Variants in PTCHD4 observed in about 807,000 individuals in gnomAD.
PTCHD4 encodes patched domain containing 4, also known as patched domain-containing protein 4.
PTCHD4 carries 33 observed loss-of-function variants against 58.1 expected under a neutral mutation model. The ratio of observed to expected loss-of-function variants is 0.57; its 90% CI spans 0.43 to 0.76. The LOEUF (loss-of-function observed/expected upper bound fraction) is 0.76, where lower values mean the gene tolerates loss of function less well. Ranked by LOEUF, PTCHD4 falls within the 30% of genes least tolerant of loss-of-function variation. The probability of loss-of-function intolerance (pLI) is 0.00; values close to 1 mark genes in which losing one functional copy is unlikely to be tolerated. For synonymous variants in PTCHD4, 478 were observed against 409.6 expected, an observed-to-expected ratio of 1.17 and a Z score of -2.02; for missense variants, 1,058 against 1,027.1, an observed-to-expected ratio of 1.03 and a Z score of -0.41.
intron 4 of PTCHD4, among the ~76,000 whole-genome samples, chr6:47,992,712 C>T (rs558985718): frequency 6.6e-6 from 1 of 152,156 alleles, no homozygotes; most frequent in South Asian, 2.1e-4. Context: ...CTTTTTATTA[C>T]TAATAGTATC....
intron 4 of PTCHD4, among the ~76,000 whole-genome samples, chr6:47,961,996 A>G (rs1428833205): frequency 6.6e-6 from 1 of 152,160 alleles, no homozygotes; most frequent in Non-Finnish European, 1.5e-5. Flanking sequence ...TTGAGAAGAC[A>G]GAAAAAAATT....
intron 3 of PTCHD4, among the ~76,000 whole-genome samples, chr6:48,027,032 A>G (rs1763271540): frequency 6.6e-6 from 1 of 151,996 alleles, no homozygotes; most frequent in Admixed American, 6.6e-5. Context: ...CTACTGAGTC[A>G]TGGCTAAAAT....
At chr6:48,053,022 T>C (rs1191284633) in intron 3 of PTCHD4, among the ~76,000 whole-genome samples, 1 of 152,138 alleles carries the variant, frequency 6.6e-6, no homozygotes, top group Non-Finnish European at 1.5e-5. Context: ...CATTGCACTT[T>C]AATGAACATG....
At chr6:47,985,199 A>G (rs1427144034) in intron 4 of PTCHD4, among the ~76,000 whole-genome samples, 1 of 152,128 alleles carries the variant, frequency 6.6e-6, no homozygotes, top group Non-Finnish European at 1.5e-5. Context: ...TACTCTTTTA[A>G]GCTGACATAG....
intron 1 of PTCHD4, among the ~76,000 whole-genome samples, chr6:48,098,459 C>T (rs537160677): frequency 2.6e-5 from 4 of 151,966 alleles, no homozygotes; most frequent in African/African-American, 9.7e-5. Context: ...CCACCTCAGC[C>T]TCCTGAGTAG....
chr6:48,108,007 T>C (rs1206032409), intron 1 of PTCHD4, among the ~76,000 whole-genome samples: 2 of 152,168 alleles, frequency 1.3e-5, no homozygotes, highest in African/African-American at 4.8e-5. Context: ...TTGGTGGGAC[T>C]GTAAACTAGT....
At chr6:48,046,154 C>G (rs1381438302) in intron 3 of PTCHD4, among the ~76,000 whole-genome samples, 1 of 151,856 alleles carries the variant, frequency 6.6e-6, no homozygotes, top group East Asian at 1.9e-4. Context: ...AACTTGCTAT[C>G]TCTGAACGAG....
rs187118976 is a variant in PTCHD4, at chr6:48,025,997, T to C, written c.418-16883A>G. Among the ~76,000 whole-genome samples the C allele has an allele frequency of 7.4e-4, 112 of 152,280 alleles. 1 individual carries two copies. The East Asian group carries it at 0.018, about 24-fold the overall frequency. On this transcript the variant is annotated intron_variant, in intron 3 of 4. Transcript: ENST00000339488. The stretch of plus-strand genomic sequence containing the variant: ...CAATTTGAACATGACCTCACAGCTA[T>C]TGCTCATCCAGAACAGACAATAAGT...
chr6:48,008,190 T>G (rs977383487), intron 4 of PTCHD4, among the ~76,000 whole-genome samples: 15 of 152,190 alleles, frequency 9.9e-5, no homozygotes, highest in African/African-American at 3.6e-4. Flanking sequence ...CAAAGCTTAC[T>G]TAAGAAGTTC....
intron 4 of PTCHD4, among the ~76,000 whole-genome samples, chr6:47,979,558 A>G (rs1321891042): frequency 1.3e-5 from 2 of 152,064 alleles, no homozygotes; most frequent in East Asian, 3.9e-4. Flanking sequence ...GTTTTAAATT[A>G]TTTATAATAA....
At chr6:48,019,037 G>A (rs899177258) in intron 3 of PTCHD4, among the ~76,000 whole-genome samples, 1 of 152,210 alleles carries the variant, frequency 6.6e-6, no homozygotes, top group Non-Finnish European at 1.5e-5. Flanking sequence ...GACTGGAAAA[G>A]TAGATCACAC....
At chr6:48,087,345 C>T (rs1327127277) in intron 1 of PTCHD4, among the ~76,000 whole-genome samples, 3 of 152,004 alleles carry the variant, frequency 2.0e-5, no homozygotes, top group Non-Finnish European at 4.4e-5. Context: ...TTGTTTTTTC[C>T]TCTATGACTA....
intron 3 of PTCHD4, among the ~76,000 whole-genome samples, chr6:48,036,873 C>T (rs1172565443): frequency 6.6e-6 from 1 of 152,088 alleles, no homozygotes; most frequent in Non-Finnish European, 1.5e-5. Flanking sequence ...TAAGTTACTG[C>T]CACTGTGCCT....
intron 4 of PTCHD4, among the ~76,000 whole-genome samples, chr6:47,987,585 C>G (rs1254953088): frequency 6.6e-6 from 1 of 152,080 alleles, no homozygotes; most frequent in Admixed American, 6.6e-5. Flanking sequence ...AGGGCCATTT[C>G]TGAATGTGCT....
chr6:48,001,888 A>G (rs758430849), intron 4 of PTCHD4, among the ~76,000 whole-genome samples: 18 of 152,270 alleles, frequency 1.2e-4, no homozygotes, highest in Non-Finnish European at 2.5e-4. Flanking sequence ...TCCAGAATCT[A>G]CAATGAACTC....
chr6:48,065,469 A>T (rs968286030), intron 3 of PTCHD4, among the ~76,000 whole-genome samples: 15 of 152,216 alleles, frequency 9.9e-5, no homozygotes, highest in African/African-American at 3.4e-4. Flanking sequence ...GAGTTCTCAC[A>T]TGTTAGTGTG....
chr6:48,007,684 C>A (rs1235260128), intron 4 of PTCHD4, among the ~76,000 whole-genome samples: 1 of 152,152 alleles, frequency 6.6e-6, no homozygotes, highest in East Asian at 1.9e-4. Flanking sequence ...CCCTAGCAAG[C>A]CCTAAGATGT....
chr6:48,018,968 A>G (rs1762962356), intron 3 of PTCHD4, among the ~76,000 whole-genome samples: 1 of 152,238 alleles, frequency 6.6e-6, no homozygotes, highest in African/African-American at 2.4e-5. Context: ...TCTTCTAAAA[A>G]GGCTCTAGTT....
At chr6:48,097,246 G>T (rs1009128288) in intron 1 of PTCHD4, among the ~76,000 whole-genome samples, 6 of 151,878 alleles carry the variant, frequency 4.0e-5, no homozygotes, top group African/African-American at 1.4e-4. Flanking sequence ...ATATAACAAA[G>T]AAATACAAAA....
Sources: gnomAD v4.1 joint callset for allele counts (sites outside exome capture counted in the v4.1 genomes callset) on GRCh38, gnomAD v4.1.1 for gene constraint, MANE v1.5 for transcripts, NCBI Gene and HGNC (gene_info 2026-07-23, HGNC 2026-07-21) for gene names.